CDH12: variants seen among roughly 807,000 people sequenced by gnomAD.
CDH12 encodes the protein cadherin 12, also known as cadherin-12.
CDH12 carries 41 observed loss-of-function variants against 74.1 expected under a neutral mutation model. The observed-to-expected ratio is 0.55, with a 90% CI of 0.43 to 0.72. The LOEUF is 0.72. Among genes scored for constraint, CDH12 ranks in the 30% least tolerant of loss-of-function variants. The pLI is 0.00. For synonymous variants in CDH12, 399 were observed against 355.0 expected (o/e 1.12, Z -1.39); for missense variants, 945 against 977.2 (o/e 0.97, Z 0.44).
chr5:22,195,544 A>G (rs1203158837), intron 4 of CDH12, among the ~76,000 whole-genome samples: 1 of 152,208 alleles, frequency 6.6e-6, no homozygotes, highest in Non-Finnish European at 1.5e-5. Flanking sequence ...CAAAGGAAAA[A>G]CAATTATTAT....
At position 22,293,156 on chromosome 5, in the gene CDH12, C is replaced by G. The variant is rs183222460; in HGVS notation, c.-332-80513G>C. ...ACTGCTCTTCCTGCTGCTGTAGCCC[C>G]TACCCCTGCTCCATTTGAAGTAGGC... On this transcript the variant is annotated intron_variant, in intron 3 of 14. Coordinates refer to ENST00000382254, the MANE Select transcript of CDH12 (RefSeq NM_004061.5). Among the ~76,000 whole-genome samples the G allele has an allele frequency of 2.4e-3, 366 of 152,238 alleles. 2 individuals carry two copies. Among genetic ancestry groups the G allele is most frequent in the African/African-American group, 8.5e-3 (352 of 41,542 alleles).
chr5:21,939,837 AT>A, intron 6 of CDH12, among the ~76,000 whole-genome samples: 1 of 152,284 alleles, frequency 6.6e-6, no homozygotes, highest in Admixed American at 6.5e-5. Flanking sequence ...ATGTATACAC[AT>A]TTTTGCCTTG....
intron 3 of CDH12, among the ~76,000 whole-genome samples, chr5:22,242,383 C>G (rs1752781812): frequency 6.6e-6 from 1 of 152,086 alleles, no homozygotes; most frequent in Non-Finnish European, 1.5e-5. Context: ...TGAGACCATT[C>G]TATTAATTAT....
At chr5:22,369,068 G>A (rs1235307986) in intron 3 of CDH12, among the ~76,000 whole-genome samples, 2 of 152,204 alleles carry the variant, frequency 1.3e-5, no homozygotes, top group East Asian at 1.9e-4. Flanking sequence ...GGCGGAGGTT[G>A]CAATGAGCTG....
chr5:22,320,262 T>C (rs1309635581), intron 3 of CDH12, among the ~76,000 whole-genome samples: 1 of 152,184 alleles, frequency 6.6e-6, no homozygotes, highest in Non-Finnish European at 1.5e-5. Flanking sequence ...GGTGACTTGA[T>C]GTTTCACATA....
At chr5:22,160,945 G>C (rs1298004034) in intron 4 of CDH12, among the ~76,000 whole-genome samples, 1 of 152,180 alleles carries the variant, frequency 6.6e-6, no homozygotes, top group Non-Finnish European at 1.5e-5. Context: ...ATTCATGCTA[G>C]AGGGTCCTCG....
chr5:22,359,424 A>C (rs1306231051), intron 3 of CDH12, among the ~76,000 whole-genome samples: 2 of 152,150 alleles, frequency 1.3e-5, no homozygotes, highest in Non-Finnish European at 2.9e-5. Flanking sequence ...ACCCAGATTC[A>C]AAAAGCAAGT....
At chr5:21,857,348 C>G (rs1250683389) in intron 6 of CDH12, among the ~76,000 whole-genome samples, 2 of 151,730 alleles carry the variant, frequency 1.3e-5, no homozygotes, top group Non-Finnish European at 2.9e-5. Flanking sequence ...TATAACCACT[C>G]TAAATGGTTA....
intron 1 of CDH12, among the ~76,000 whole-genome samples, chr5:22,747,398 C>A (rs554312690): frequency 1.1e-3 from 156 of 146,876 alleles, no homozygotes; most frequent in African/African-American, 3.9e-3. Context: ...CCAACATGGG[C>A]AGATTGCTTC....
At chr5:21,900,144 A>G (rs1753317250) in intron 6 of CDH12, among the ~76,000 whole-genome samples, 1 of 152,170 alleles carries the variant, frequency 6.6e-6, no homozygotes, top group South Asian at 2.1e-4. Flanking sequence ...ATTTACAAGC[A>G]TCACTTTTGG....
At chr5:22,162,261 G>C (rs567469451) in intron 4 of CDH12, among the ~76,000 whole-genome samples, 1 of 152,200 alleles carries the variant, frequency 6.6e-6, no homozygotes, top group South Asian at 2.1e-4. Context: ...TCTTTATATA[G>C]TGTGCTAGTT....
intron 6 of CDH12, among the ~76,000 whole-genome samples, chr5:21,923,298 G>C (rs757166887): frequency 6.6e-6 from 1 of 152,064 alleles, no homozygotes; most frequent in Admixed American, 6.6e-5. Flanking sequence ...TCCAACATTT[G>C]TATAAACACA....
chr5:22,504,193 A>C (rs2126660929), intron 2 of CDH12, among the ~76,000 whole-genome samples: 1 of 152,126 alleles, frequency 6.6e-6, no homozygotes, highest in African/African-American at 2.4e-5. Context: ...AGGAATTATT[A>C]ATAGTTGAGA....
intron 1 of CDH12, among the ~76,000 whole-genome samples, chr5:22,788,010 C>A (rs542168643): frequency 6.6e-6 from 1 of 152,268 alleles, no homozygotes; most frequent in Non-Finnish European, 1.5e-5. Context: ...GAGTGTCACA[C>A]AAGAGAATGA....
At chr5:22,371,850 AAC>A (rs1741304626) in intron 3 of CDH12, among the ~76,000 whole-genome samples, 1 of 152,184 alleles carries the variant, frequency 6.6e-6, no homozygotes, top group Non-Finnish European at 1.5e-5. Flanking sequence ...TGAGATTAAG[AAC>A]ATAGATAGAA....
At chr5:22,008,174 TGAG>T (rs746383923) in intron 5 of CDH12, among the ~76,000 whole-genome samples, 9 of 152,196 alleles carry the variant, frequency 5.9e-5, no homozygotes, top group South Asian at 2.1e-4. Context: ...TTCGGAATTA[TGAG>T]GAGGAGATGA....
intron 6 of CDH12, among the ~76,000 whole-genome samples, chr5:21,944,061 C>T (rs1439351578): frequency 6.6e-6 from 1 of 152,128 alleles, no homozygotes; most frequent in Non-Finnish European, 1.5e-5. Flanking sequence ...TTCACAATCT[C>T]AGAATCAGAT....
chr5:22,818,206 C>T (rs1749487541), intron 1 of CDH12, among the ~76,000 whole-genome samples: 1 of 152,136 alleles, frequency 6.6e-6, no homozygotes, highest in African/African-American at 2.4e-5. Flanking sequence ...TAAGTACACA[C>T]TGCAAAGGAA....
chr5:22,822,203 C>T (rs1448572991), intron 1 of CDH12, among the ~76,000 whole-genome samples: 2 of 152,118 alleles, frequency 1.3e-5, no homozygotes, highest in South Asian at 2.1e-4. Flanking sequence ...AACTGGATCC[C>T]TTCCTTACAC....
Sources: gnomAD v4.1 joint callset for allele counts (sites outside exome capture counted in the v4.1 genomes callset) on GRCh38, gnomAD v4.1.1 for gene constraint, MANE v1.5 for transcripts, NCBI Gene and HGNC (gene_info 2026-07-23, HGNC 2026-07-21) for gene names.